The following SLC5A11 variants were observed in gnomAD, a reference collection of about 807,000 sequenced individuals.
SLC5A11 encodes the protein sodium/myo-inositol cotransporter 2.
SLC5A11 carries 48 observed loss-of-function variants against 69.8 expected under a neutral mutation model. The ratio of observed to expected loss-of-function variants is 0.69; its 90% confidence interval spans 0.55 to 0.87. SLC5A11 has a LOEUF of 0.87. Among genes scored for constraint, SLC5A11 ranks in the 40% least tolerant of loss-of-function variants. The probability of loss-of-function intolerance (pLI) is 0.00; values close to 1 mark genes in which losing one functional copy is unlikely to be tolerated. For synonymous variants in SLC5A11, 319 were observed against 342.4 expected, an observed-to-expected ratio of 0.93 and a Z score of 0.75; for missense variants, 784 against 866.1, an observed-to-expected ratio of 0.91 and a Z score of 1.19.
chr16:24,875,503 A>T, intron 5 of SLC5A11, 124 bp from the exon 7 acceptor site: 1 of 744,880 alleles, frequency 1.3e-6, no homozygotes, highest in Non-Finnish European at 2.3e-6. Context: ...CAGGTTGAGA[A>T]TCCCAAGAAG....
chr16:24,856,922 G>A (rs2059560340), intron 1 of SLC5A11, among the ~76,000 whole-genome samples: 2 of 151,884 alleles, frequency 1.3e-5, no homozygotes, highest in South Asian at 4.2e-4. Context: ...CCAGATTCAA[G>A]CAATTCTCAT....
chr16:24,887,352 A>G (rs1413290272), intron 8 of SLC5A11, among the ~76,000 whole-genome samples: 1 of 152,218 alleles, frequency 6.6e-6, no homozygotes, highest in African/African-American at 2.4e-5. Context: ...CGTTACATAA[A>G]GAATATAACA....
At chr16:24,867,386 C>T (rs1178165779) in intron 3 of SLC5A11, among the ~76,000 whole-genome samples, 1 of 152,072 alleles carries the variant, frequency 6.6e-6, no homozygotes, top group East Asian at 1.9e-4. Context: ...TAGAAGAAAA[C>T]TTACACCACA....
At chr16:24,901,327 T>C (rs2049573205) in intron 10 of SLC5A11, among the ~76,000 whole-genome samples, 1 of 152,102 alleles carries the variant, frequency 6.6e-6, no homozygotes, top group Non-Finnish European at 1.5e-5. Flanking sequence ...GAGAAATTAT[T>C]CATTTGGCCA....
intron 9 of SLC5A11, among the ~76,000 whole-genome samples, chr16:24,897,155 T>C (rs1472941993): frequency 6.6e-6 from 1 of 151,944 alleles, no homozygotes; most frequent in Non-Finnish European, 1.5e-5. Context: ...AGTTTCACCA[T>C]GTTGGCCAGG....
At chr16:24,862,605 C>T (rs1231401128) in exon 3 of SLC5A11, 2 of 1,611,592 alleles carry the variant, frequency 1.2e-6, no homozygotes, top group East Asian at 4.5e-5. Context: ...TTTCAGTCCA[C>T]AGTGAAGACC....
intron 4 of SLC5A11, among the ~76,000 whole-genome samples, chr16:24,870,839 T>G (rs1041034561): frequency 5.4e-5 from 8 of 148,804 alleles, no homozygotes; most frequent in African/African-American, 1.5e-4. Flanking sequence ...ATTCCTGTCC[T>G]AGAGATGCAG....
intron 3 of SLC5A11, among the ~76,000 whole-genome samples, chr16:24,868,948 A>G (rs1297629539): frequency 2.7e-5 from 4 of 147,472 alleles, no homozygotes; most frequent in Admixed American, 6.8e-5. Context: ...GCTCGTTGCA[A>G]CCTCCACCTC....
intron 3 of SLC5A11, among the ~76,000 whole-genome samples, chr16:24,865,855 T>C (rs274104): frequency 0.029 from 4,402 of 151,864 alleles, 115 homozygotes; most frequent in Admixed American, 0.049. Context: ...TGAAGGTAAC[T>C]ATGTAAGTAA....
chr16:24,881,141 G>A (rs974416552), intron 7 of SLC5A11, among the ~76,000 whole-genome samples: 13 of 151,730 alleles, frequency 8.6e-5, no homozygotes, highest in Admixed American at 3.3e-4. Context: ...TGGAGGCAGA[G>A]GCTGCAGTGA....
chr16:24,901,103 A>C (rs187049621), intron 10 of SLC5A11, among the ~76,000 whole-genome samples: 1 of 152,256 alleles, frequency 6.6e-6, no homozygotes, highest in Non-Finnish European at 1.5e-5. Context: ...GAACTTGCAT[A>C]AGCCATTTAA....
chr16:24,846,372 C>T (rs1281045793), exon 1 of SLC5A11: 1 of 152,364 alleles, frequency 6.6e-6, no homozygotes, highest in East Asian at 1.9e-4. Flanking sequence ...ACAACCACCG[C>T]CACCTCCTAG....
At chr16:24,892,838 A>G (rs1443324196) in intron 9 of SLC5A11, among the ~76,000 whole-genome samples, 2 of 152,140 alleles carry the variant, frequency 1.3e-5, no homozygotes, top group Non-Finnish European at 2.9e-5. Context: ...GCGGAGAGCT[A>G]AGGACCAAGG....
At chr16:24,861,202 G>T (rs1332754216) in intron 2 of SLC5A11, among the ~76,000 whole-genome samples, 1 of 151,896 alleles carries the variant, frequency 6.6e-6, no homozygotes, top group Non-Finnish European at 1.5e-5. Context: ...TGAGATAAAA[G>T]GTCAGGCACA....
At chr16:24,909,909 C>T (rs1433224629) in intron 14 of SLC5A11, among the ~76,000 whole-genome samples, 1 of 151,168 alleles carries the variant, frequency 6.6e-6, no homozygotes, top group Non-Finnish European at 1.5e-5. Context: ...TCTAGATTTC[C>T]ATTGATGGAG....
intron 15 of SLC5A11, among the ~76,000 whole-genome samples, chr16:24,911,031 T>C (rs1053896239): frequency 3.9e-5 from 6 of 152,056 alleles, no homozygotes; most frequent in African/African-American, 1.4e-4. Flanking sequence ...TAGCCGGGCA[T>C]GGTAGCGCAT....
At chr16:24,874,569 AT>A (rs1032912123) in intron 5 of SLC5A11, among the ~76,000 whole-genome samples, 20 of 151,912 alleles carry the variant, frequency 1.3e-4, no homozygotes, top group Non-Finnish European at 2.1e-4. Flanking sequence ...GCTTTTTAAA[AT>A]TTTTTTGAGA....
At chr16:24,903,391 C>T (rs903294588) in intron 10 of SLC5A11, among the ~76,000 whole-genome samples, 1 of 152,084 alleles carries the variant, frequency 6.6e-6, no homozygotes, top group African/African-American at 2.4e-5. Context: ...TGAAAATGTA[C>T]AATAAATTGT....
chr16:24,849,338 C>T (rs961564489), intron 1 of SLC5A11, among the ~76,000 whole-genome samples: 6 of 151,832 alleles, frequency 4.0e-5, no homozygotes, highest in African/African-American at 7.2e-5. Flanking sequence ...GAGGCCGAGG[C>T]GGGTGGATCA....
Sources: gnomAD v4.1 joint callset for allele counts (sites outside exome capture counted in the v4.1 genomes callset) on GRCh38, gnomAD v4.1.1 for gene constraint, MANE v1.5 for transcripts, NCBI Gene and HGNC (gene_info 2026-07-23, HGNC 2026-07-21) for gene names.